IMMP2L: variants seen among roughly 807,000 people sequenced by gnomAD.
IMMP2L encodes inner mitochondrial membrane peptidase subunit 2, also known as mitochondrial inner membrane protease subunit 2.
Under a neutral mutation model 19.3 loss-of-function variants are expected in IMMP2L, and 18 were observed. The ratio of observed to expected loss-of-function variants is 0.93; its 90% CI spans 0.64 to 1.38. The LOEUF is 1.38. Among genes scored for constraint, IMMP2L ranks in the 40% most tolerant of loss-of-function variants. The pLI, the probability that IMMP2L is intolerant of heterozygous loss-of-function variation, is 0.00. For missense variants in IMMP2L, 233 were observed against 218.2 expected (o/e 1.07, Z -0.43); for synonymous variants, 76 against 73.0 (o/e 1.04, Z -0.21).
chr7:111,502,043 T>A (rs182275464), intron 2 of IMMP2L, among the ~76,000 whole-genome samples: 13 of 151,232 alleles, frequency 8.6e-5, no homozygotes, highest in Non-Finnish European at 1.9e-4. Context: ...GGATAAAGAG[T>A]CATACATCAG....
intron 3 of IMMP2L, among the ~76,000 whole-genome samples, chr7:111,053,739 C>T (rs529920315): frequency 2.0e-5 from 3 of 152,238 alleles, no homozygotes; most frequent in South Asian, 4.1e-4. Context: ...AGAAACACAT[C>T]ACAGGTAGGA....
intron 5 of IMMP2L, among the ~76,000 whole-genome samples, chr7:110,799,751 A>T (rs1801117850): frequency 6.6e-6 from 1 of 152,096 alleles, no homozygotes; most frequent in Non-Finnish European, 1.5e-5. Flanking sequence ...TTTCAGGCAA[A>T]GTCAAGACAG....
chr7:110,859,382 G>A (rs772812484), intron 5 of IMMP2L, among the ~76,000 whole-genome samples: 6 of 151,806 alleles, frequency 4.0e-5, no homozygotes, highest in Non-Finnish European at 5.9e-5. Flanking sequence ...ACAGTTTTTA[G>A]AAAATATTTC....
At chr7:111,063,494 CT>C (rs1464946906) in intron 3 of IMMP2L, among the ~76,000 whole-genome samples, 4 of 152,216 alleles carry the variant, frequency 2.6e-5, no homozygotes, top group Admixed American at 2.6e-4. Context: ...CTCCTCACTA[CT>C]TACGCAAATT....
intron 3 of IMMP2L, among the ~76,000 whole-genome samples, chr7:111,285,054 G>C (rs1226811439): frequency 6.6e-6 from 1 of 152,136 alleles, no homozygotes; most frequent in African/African-American, 2.4e-5. Flanking sequence ...CTTCTCAGAT[G>C]AATGAGAGGA....
In IMMP2L at chr7:111,539,236, AAGAAAGAAAGAAAG is replaced by A. The variant is rs1190399712; in HGVS notation, c.-2-17801_-2-17788del. Among the ~76,000 whole-genome samples, 597 of 128,188 alleles carry A rather than the reference AAGAAAGAAAGAAAG, an allele frequency of 4.7e-3. 6 individuals carry two copies. Among genetic ancestry groups the A allele is most frequent in the Middle Eastern group, 8.2e-3 (2 of 244 alleles). 84.1% of individuals were successfully genotyped at this position (128,188 alleles called of 152,430 possible). ...AAAGAAAGAAAGAAAGAAAGAAAGA[AAGAAAGAAAGAAAG>A]AAAGAAAGAAAGAAAGAAAGAGAAC... On this transcript the variant is annotated intron_variant, in intron 1 of 5. Coordinates refer to ENST00000405709, the MANE Select transcript of IMMP2L (RefSeq NM_032549.4).
chr7:111,358,522 A>G (rs1828941338), intron 3 of IMMP2L, among the ~76,000 whole-genome samples: 1 of 152,092 alleles, frequency 6.6e-6, no homozygotes, highest in African/African-American at 2.4e-5. Flanking sequence ...AAGCTCAATT[A>G]GAAGTCAGAA....
intron 4 of IMMP2L, among the ~76,000 whole-genome samples, chr7:110,946,308 C>T (rs1585385676): frequency 1.3e-5 from 2 of 152,150 alleles, no homozygotes; most frequent in East Asian, 3.9e-4. Context: ...GTGGTAGTTA[C>T]GTTGCCTATA....
intron 5 of IMMP2L, among the ~76,000 whole-genome samples, chr7:110,874,251 A>T (rs921894262): frequency 6.6e-6 from 1 of 152,094 alleles, no homozygotes; most frequent in Non-Finnish European, 1.5e-5. Context: ...TAACGTTATT[A>T]AGAGGGCAGT....
chr7:111,253,487 G>A (rs768912815), intron 3 of IMMP2L, among the ~76,000 whole-genome samples: 6 of 152,070 alleles, frequency 3.9e-5, no homozygotes, highest in Non-Finnish European at 8.8e-5. Context: ...GACATACAAG[G>A]CTCAGAGGTG....
intron 5 of IMMP2L, among the ~76,000 whole-genome samples, chr7:110,855,705 T>C (rs776229801): frequency 6.6e-6 from 1 of 152,036 alleles, no homozygotes; most frequent in Non-Finnish European, 1.5e-5. Context: ...ATCCCTTCTC[T>C]TTCTTTTAAA....
At chr7:111,539,405 T>C (rs115028066) in intron 1 of IMMP2L, among the ~76,000 whole-genome samples, 2,491 of 152,244 alleles carry the variant, frequency 0.016, 66 homozygotes, top group African/African-American at 0.057. Context: ...AAGGATCAAG[T>C]AACTTTCATA....
At chr7:111,131,855 C>A (rs1236061684) in intron 3 of IMMP2L, among the ~76,000 whole-genome samples, 2 of 151,404 alleles carry the variant, frequency 1.3e-5, no homozygotes, top group Non-Finnish European at 3.0e-5. Context: ...TTAACTGTAA[C>A]AAAAATAATA....
chr7:111,284,877 G>A (rs1310227801), intron 3 of IMMP2L, among the ~76,000 whole-genome samples: 1 of 152,148 alleles, frequency 6.6e-6, no homozygotes, highest in Non-Finnish European at 1.5e-5. Context: ...ACCAGGCATT[G>A]GAGAAAGTAG....
At chr7:110,932,175 C>T (rs259013) in intron 4 of IMMP2L, among the ~76,000 whole-genome samples, 80,046 of 151,864 alleles carry the variant, frequency 0.53, 22,392 homozygotes, top group East Asian at 0.81. Context: ...TACAGACTCA[C>T]GAGAGTGGGG....
At chr7:111,003,418 C>A (rs927323370) in intron 3 of IMMP2L, among the ~76,000 whole-genome samples, 1 of 152,018 alleles carries the variant, frequency 6.6e-6, no homozygotes, top group Non-Finnish European at 1.5e-5. Flanking sequence ...AGGAGTCATA[C>A]AAAAACCTTC....
At chr7:111,355,336 AAATT>A (rs1463117394) in intron 3 of IMMP2L, among the ~76,000 whole-genome samples, 2 of 151,948 alleles carry the variant, frequency 1.3e-5, no homozygotes, top group South Asian at 2.1e-4. Flanking sequence ...TTTCTTATAT[AAATT>A]AATTATGAAA....
At chr7:111,561,535 C>A (rs1362026150) in intron 1 of IMMP2L, among the ~76,000 whole-genome samples, 1 of 151,986 alleles carries the variant, frequency 6.6e-6, no homozygotes, top group Non-Finnish European at 1.5e-5. Context: ...AGATAGGGGC[C>A]GGAGACAGAC....
chr7:110,889,845 C>G (rs1307650411), intron 4 of IMMP2L, among the ~76,000 whole-genome samples: 1 of 152,146 alleles, frequency 6.6e-6, no homozygotes, highest in Non-Finnish European at 1.5e-5. Flanking sequence ...GTAACAATAC[C>G]TAACTCAAAA....
Sources: gnomAD v4.1 joint callset for allele counts (sites outside exome capture counted in the v4.1 genomes callset) on GRCh38, gnomAD v4.1.1 for gene constraint, MANE v1.5 for transcripts, NCBI Gene and HGNC (gene_info 2026-07-23, HGNC 2026-07-21) for gene names.